OSBPL1A: variants seen among roughly 807,000 people sequenced by gnomAD.
The protein encoded by OSBPL1A is oxysterol-binding protein-related protein 1.
Under a neutral mutation model 137.1 loss-of-function variants are expected in OSBPL1A, and 80 were observed. The ratio of observed to expected loss-of-function variants is 0.58; its 90% CI spans 0.49 to 0.70. The LOEUF (loss-of-function observed/expected upper bound fraction) is 0.70. Among genes scored for constraint, OSBPL1A ranks in the 30% least tolerant of loss-of-function variants. The pLI, the probability that OSBPL1A is intolerant of heterozygous loss-of-function variation, is 0.00. For synonymous variants in OSBPL1A, 365 were observed against 389.7 expected, an observed-to-expected ratio of 0.94 and a Z score of 0.75; for missense variants, 970 against 1,129.4, an observed-to-expected ratio of 0.86 and a Z score of 2.02.
At chr18:24,386,151 T>C (rs928620648) in intron 1 of OSBPL1A, among the ~76,000 whole-genome samples, 5 of 151,904 alleles carry the variant, frequency 3.3e-5, no homozygotes, top group Non-Finnish European at 7.4e-5. Flanking sequence ...TAAGACAGGA[T>C]GGTAGGAGAG....
In OSBPL1A at chr18:24,327,314, C is replaced by T. The variant is rs557331936; in HGVS notation, c.625+5628G>A. ...TAAAGACAAGGTTTTACCATGTTGG[C>T]CTTGAACTCCTGACCTCAAGTGATC... is the stretch of plus-strand genomic sequence containing the variant. On this transcript the variant is annotated intron_variant, in intron 7 of 27. Coordinates refer to ENST00000319481, the MANE Select transcript of OSBPL1A (RefSeq NM_080597.4). Among the ~76,000 whole-genome samples the T allele has an allele frequency of 4.6e-5, 7 of 151,966 alleles. No individual in the cohort carries two copies. In the East Asian group the frequency reaches 9.7e-4, roughly 21 times the overall value.
At chr18:24,213,016 T>G (rs577241426) in intron 17 of OSBPL1A, among the ~76,000 whole-genome samples, 19 of 152,184 alleles carry the variant, frequency 1.2e-4, no homozygotes, top group African/African-American at 4.3e-4. Flanking sequence ...CATCACAAAG[T>G]TCTCTCTGTA....
chr18:24,387,785 T>C (rs1166567249), intron 1 of OSBPL1A, among the ~76,000 whole-genome samples: 1 of 151,776 alleles, frequency 6.6e-6, no homozygotes. Flanking sequence ...CTATGTAGAC[T>C]TGAATATCTA....
rs187248208 is a variant in OSBPL1A, at chr18:24,351,751, G to A, written c.283-10093C>T. On this transcript the variant is annotated intron_variant, in intron 4 of 27. Coordinates refer to ENST00000319481, the MANE Select transcript of OSBPL1A (RefSeq NM_080597.4). ...GATGGGGTTTCACCATGTCGGCCAGGCTGGTCTGGAACTCCTGACCTCAGG... is the reference window on the plus strand; with the variant it reads ...GATGGGGTTTCACCATGTCGGCCAGACTGGTCTGGAACTCCTGACCTCAGG... Among the ~76,000 whole-genome samples, 551 of 152,252 alleles carry A rather than the reference G, an allele frequency of 3.6e-3. 2 individuals carry two copies. The highest frequency in any genetic ancestry group is 5.7e-3 in the Non-Finnish European group (389 of 68,020).
intron 7 of OSBPL1A, among the ~76,000 whole-genome samples, chr18:24,332,289 G>T (rs1457292172): frequency 1.3e-5 from 2 of 148,706 alleles, no homozygotes; most frequent in Non-Finnish European, 3.0e-5. Context: ...GGGAGGCTGA[G>T]GCAGAAGAAT....
chr18:24,383,207 C>T lies in OSBPL1A; in HGVS notation c.-2-5672G>A, dbSNP rs188853316. Reference sequence around the variant, plus strand: ...TGTCTAATTAATAAGGCATTTATCACAGGGGATTTTTAAATATATTTTCAA... The same window carrying T: ...TGTCTAATTAATAAGGCATTTATCATAGGGGATTTTTAAATATATTTTCAA... On this transcript the variant is annotated intron_variant, in intron 1 of 27. Coordinates refer to ENST00000319481, the MANE Select transcript of OSBPL1A (RefSeq NM_080597.4). Among the ~76,000 whole-genome samples the T allele has an allele frequency of 2.6e-5, 4 of 152,200 alleles. No homozygotes were observed. In the East Asian group the frequency reaches 7.7e-4, roughly 29 times the overall value.
At chr18:24,376,911 GA>G (rs1281783628) in intron 2 of OSBPL1A, among the ~76,000 whole-genome samples, 11 of 152,222 alleles carry the variant, frequency 7.2e-5, no homozygotes, top group African/African-American at 2.4e-4. Flanking sequence ...CGCCCACACG[GA>G]ACTCCAGCCG....
At chr18:24,313,526 A>C (rs1286786594) in intron 12 of OSBPL1A, among the ~76,000 whole-genome samples, 4 of 152,046 alleles carry the variant, frequency 2.6e-5, no homozygotes, top group Non-Finnish European at 5.9e-5. Flanking sequence ...TTAATTTATC[A>C]CTAGGAAGGC....
chr18:24,172,857 A>G (rs947151859), intron 21 of OSBPL1A, among the ~76,000 whole-genome samples: 2 of 152,164 alleles, frequency 1.3e-5, no homozygotes, highest in African/African-American at 2.4e-5. Context: ...TCACCAAAGG[A>G]AAAAAACTCA....
At chr18:24,308,640 T>G (rs1000067602) in intron 13 of OSBPL1A, among the ~76,000 whole-genome samples, 3 of 152,228 alleles carry the variant, frequency 2.0e-5, no homozygotes, top group Admixed American at 1.3e-4. Context: ...ATCCCAGCAC[T>G]GTCCAATAGA....
intron 15 of OSBPL1A, among the ~76,000 whole-genome samples, chr18:24,266,106 G>C (rs181935606): frequency 3.9e-4 from 59 of 152,348 alleles, no homozygotes; most frequent in Admixed American, 3.8e-3. Flanking sequence ...AAGAACGTGA[G>C]CCTTGGAGTA....
chr18:24,337,906 C>T (rs534908014), intron 5 of OSBPL1A, among the ~76,000 whole-genome samples: 6 of 151,826 alleles, frequency 4.0e-5, no homozygotes, highest in African/African-American at 1.4e-4. Flanking sequence ...GCAAATTACT[C>T]TCAAATAGTT....
At chr18:24,358,330 C>T (rs1160576909) in intron 4 of OSBPL1A, 4 of 616,498 alleles carry the variant, frequency 6.5e-6, no homozygotes, top group East Asian at 2.7e-5. Flanking sequence ...TTTGAAGCAT[C>T]ATCTCCTCTG....
At chr18:24,186,865 C>T (rs1599457507) in intron 18 of OSBPL1A, among the ~76,000 whole-genome samples, 2 of 129,338 alleles carry the variant, frequency 1.5e-5, no homozygotes, top group East Asian at 4.6e-4. Flanking sequence ...GATCACGCCA[C>T]TGCATTCCAG....
At chr18:24,350,026 G>A (rs2091411300) in intron 4 of OSBPL1A, among the ~76,000 whole-genome samples, 1 of 152,184 alleles carries the variant, frequency 6.6e-6, no homozygotes, top group South Asian at 2.1e-4. Context: ...GGACACCAAG[G>A]GTGAAGGGAA....
At chr18:24,213,157 G>A (rs956582217) in intron 17 of OSBPL1A, among the ~76,000 whole-genome samples, 10 of 152,128 alleles carry the variant, frequency 6.6e-5, no homozygotes, top group Non-Finnish European at 1.0e-4. Flanking sequence ...TTAGCGTAGC[G>A]TCTTAGAAGC....
intron 14 of OSBPL1A, among the ~76,000 whole-genome samples, chr18:24,286,091 A>G (rs1159135059): frequency 6.6e-6 from 1 of 152,232 alleles, no homozygotes; most frequent in Non-Finnish European, 1.5e-5. Flanking sequence ...CAGGAGGCAG[A>G]GGCTGCAGTG....
At chr18:24,229,293 C>T (rs937283116) in intron 16 of OSBPL1A, among the ~76,000 whole-genome samples, 1 of 152,166 alleles carries the variant, frequency 6.6e-6, no homozygotes. Flanking sequence ...TGTATACTCA[C>T]TAGAGAGGAA....
chr18:24,274,000 G>A (rs988905904), intron 15 of OSBPL1A, among the ~76,000 whole-genome samples: 1 of 152,082 alleles, frequency 6.6e-6, no homozygotes, highest in South Asian at 2.1e-4. Flanking sequence ...TTGAGAGGCC[G>A]AGGCAGGCAG....
Sources: allele counts gnomAD v4.1 joint callset (sites outside exome capture counted in the v4.1 genomes callset), GRCh38; gene constraint gnomAD v4.1.1; transcripts MANE v1.5; gene names NCBI Gene and HGNC (gene_info 2026-07-23, HGNC 2026-07-21).